Variants in ITPK1 observed in about 807,000 individuals in gnomAD.
The protein encoded by ITPK1 is inositol-tetrakisphosphate 1-kinase, also known as inositol 1,3,4-trisphosphate 5/6-kinase.
ITPK1 carries 21 observed loss-of-function variants against 45.3 expected under a neutral mutation model. That is an observed-to-expected ratio of 0.46 (90% CI 0.33 to 0.67). The LOEUF is 0.67. ITPK1 is among the 30% of genes least tolerant of loss of function. The pLI is 0.02. For missense variants in ITPK1, 474 were observed against 573.5 expected (o/e 0.83, Z 1.77); for synonymous variants, 258 against 253.6 (o/e 1.02, Z -0.16).
chr14:93,005,810 C>G (rs556438896), intron 4 of ITPK1, among the ~76,000 whole-genome samples: 1 of 152,280 alleles, frequency 6.6e-6, no homozygotes, highest in East Asian at 1.9e-4. Flanking sequence ...AAAACATGAT[C>G]AGAAATGCCC....
At position 92,941,532 on chromosome 14, in the gene ITPK1, C is replaced by T. The variant is rs139014647; in HGVS notation, c.*29G>A. On this transcript the variant is annotated 3_prime_UTR_variant, in exon 11 of 11. Coordinates refer to ENST00000267615, the MANE Select transcript of ITPK1 (RefSeq NM_014216.6). ...CCCAGCGGGTGTGCTCTGCGCCCTGCGCTGCCCCTCTGGGTCCCGGCTCCG... is the reference window on the plus strand; with the variant it reads ...CCCAGCGGGTGTGCTCTGCGCCCTGTGCTGCCCCTCTGGGTCCCGGCTCCG... 3.6e-4 allele frequency: 543 copies of T among 1,511,664 alleles called. 1 individual carries two copies. In the African/African-American group the frequency reaches 4.7e-3, roughly 13 times the overall value. 93.6% of individuals were successfully genotyped at this position (1,511,664 alleles called of 1,614,324 possible). A position where few individuals can be genotyped will look rare whatever the true frequency, so the allele number is the denominator to read the frequency against.
At chr14:93,066,669 G>A (rs930899630) in intron 3 of ITPK1, among the ~76,000 whole-genome samples, 1 of 152,158 alleles carries the variant, frequency 6.6e-6, no homozygotes, top group Non-Finnish European at 1.5e-5. Context: ...CTCCCAAAGT[G>A]CTGGGATTAC....
Position 93,076,758 on chromosome 14 carries a change from T to C in ITPK1, c.96-139A>G, listed in dbSNP as rs1288401832. The C allele has an allele frequency of 1.8e-5, 17 of 942,294 alleles. No homozygotes were observed. The highest frequency in any genetic ancestry group is 2.7e-5 in the Non-Finnish European group (16 of 593,674). 58.4% of individuals were successfully genotyped at this position (942,294 alleles called of 1,614,324 possible). On this transcript the variant is annotated intron_variant, in intron 2 of 10. Coordinates refer to ENST00000267615, the MANE Select transcript of ITPK1 (RefSeq NM_014216.6). This position sits in a 1 kb window ranked among gnomAD's most constrained non-coding sequence, Gnocchi z 4.3. The stretch of plus-strand genomic sequence containing the variant: ...CCGGCAGCTGCGCCTCTCCTGCTAC[T>C]GTCCCAGAACAGCCATGCCTTCCAC...
rs1269806185 is a variant in ITPK1 at position 92,962,785 on chromosome 14, C to T, written c.429G>A (p.Arg143=). The stretch of plus-strand genomic sequence containing the variant: ...AAGTCAAGCCGTTCTTCTCCAGCAG[C>T]CGCATGGTGTCATCCCCGCACAGGC... The part of the protein sequence containing the change: ...LTSLCGDDTM[R]LLEKNGLTFP... The change falls in exon 6 of 11, where the codon CGG becomes CGA. Residue 143 remains arginine (R), a synonymous_variant. Coordinates refer to ENST00000267615, the MANE Select transcript of ITPK1 (RefSeq NM_014216.6). The T allele has an allele frequency of 6.8e-6, 11 of 1,613,980 alleles. No homozygotes were observed. The highest frequency in any genetic ancestry group is 9.3e-6 in the Non-Finnish European group (11 of 1,179,876).
intron 3 of ITPK1, among the ~76,000 whole-genome samples, chr14:93,030,722 C>CA (rs932240824): frequency 1.3e-5 from 2 of 151,946 alleles, no homozygotes; most frequent in Non-Finnish European, 2.9e-5. Flanking sequence ...ACTGTGTCCC[C>CA]AAAAAACGGT....
chr14:93,087,512 G>A (rs1595203254), intron 2 of ITPK1, among the ~76,000 whole-genome samples: 1 of 152,338 alleles, frequency 6.6e-6, no homozygotes, highest in Admixed American at 6.5e-5. Flanking sequence ...GTGACACAGT[G>A]AGACCCCCAT....
chr14:92,962,459 C>G, intron 6 of ITPK1, 64 bp from the exon 7 acceptor site: 1 of 1,078,562 alleles, frequency 9.3e-7, no homozygotes. Context: ...AAGGCAGGTA[C>G]TTGGCACGTC....
chr14:93,049,207 G>A (rs1889906277), intron 3 of ITPK1, among the ~76,000 whole-genome samples: 1 of 152,234 alleles, frequency 6.6e-6, no homozygotes, highest in African/African-American at 2.4e-5. Flanking sequence ...AACCCCTTCT[G>A]TGGCTTCTAG....
At chr14:93,061,207 G>A (rs370309982) in intron 3 of ITPK1, among the ~76,000 whole-genome samples, 13 of 152,300 alleles carry the variant, frequency 8.5e-5, no homozygotes, top group Admixed American at 5.9e-4. Context: ...ACAGATCTGG[G>A]GCCAGGCTGT....
At chr14:93,008,244 G>T (rs1887717891) in intron 4 of ITPK1, among the ~76,000 whole-genome samples, 1 of 152,170 alleles carries the variant, frequency 6.6e-6, no homozygotes, top group Non-Finnish European at 1.5e-5. Flanking sequence ...CCTAGTACTC[G>T]CCATCACTGG....
chr14:93,010,506 C>T (rs1887837179), intron 4 of ITPK1, among the ~76,000 whole-genome samples: 1 of 152,226 alleles, frequency 6.6e-6, no homozygotes, highest in African/African-American at 2.4e-5. Context: ...CCCAGGTGGG[C>T]CAGCAGGTGA....
intron 5 of ITPK1, among the ~76,000 whole-genome samples, chr14:92,983,586 G>C (rs1886331505): frequency 6.6e-6 from 1 of 152,196 alleles, no homozygotes; most frequent in South Asian, 2.1e-4. Flanking sequence ...GTGAATCCAT[G>C]ATGGGATACT....
At chr14:92,988,926 A>G (rs549952571) in intron 5 of ITPK1, among the ~76,000 whole-genome samples, 61 of 152,290 alleles carry the variant, frequency 4.0e-4, no homozygotes, top group African/African-American at 1.3e-3. Flanking sequence ...CGCACAGCTC[A>G]GAGAGGCCAC....
At chr14:92,962,448 C>A (rs1192864626) in intron 6 of ITPK1, 53 bp from the exon 7 acceptor site, 2 of 1,236,870 alleles carry the variant, frequency 1.6e-6, no homozygotes, top group African/African-American at 3.0e-5. Context: ...CGTTCACCCA[C>A]AAGGCAGGTA....
At chr14:93,042,598 C>T (rs1027693869) in intron 3 of ITPK1, among the ~76,000 whole-genome samples, 1 of 152,200 alleles carries the variant, frequency 6.6e-6, no homozygotes. Context: ...CAGGCCAGTG[C>T]CCCACCTGCA....
At chr14:93,113,192 C>G (rs1285018448) in intron 2 of ITPK1, among the ~76,000 whole-genome samples, 2 of 152,156 alleles carry the variant, frequency 1.3e-5, no homozygotes, top group Admixed American at 6.5e-5. Flanking sequence ...GGCAACTAGA[C>G]TTTGAAGACA....
intron 3 of ITPK1, among the ~76,000 whole-genome samples, chr14:93,065,486 G>C (rs1890707901): frequency 6.6e-6 from 1 of 152,148 alleles, no homozygotes; most frequent in African/African-American, 2.4e-5. Flanking sequence ...CTCACTCCTG[G>C]AACTCTATGA....
chr14:92,938,426 T>C lies in ITPK1; in HGVS notation c.*3135A>G. The C allele has an allele frequency of 1.4e-6, 2 of 1,398,236 alleles. No homozygotes were observed. Among genetic ancestry groups the C allele is most frequent in the Middle Eastern group, 3.5e-4 (2 of 5,646 alleles). 86.6% of individuals were successfully genotyped at this position (1,398,236 alleles called of 1,614,324 possible). A position where few individuals can be genotyped will look rare whatever the true frequency, so the allele number is the denominator to read the frequency against. ...GGCTCCCTTGGTCTTGGGGTGGCTG[T>C]CTGGCAGGCAACAGCTGCTTTGCTC... On this transcript the variant is annotated 3_prime_UTR_variant, in exon 11 of 11. Transcript: ENST00000267615.
Position 92,952,008 on chromosome 14 carries a change from C to A in ITPK1, c.676G>T (p.Glu226Ter). The A allele has an allele frequency of 6.4e-7, 1 of 1,570,014 alleles. No individual in the cohort carries two copies. The stretch of plus-strand genomic sequence containing the variant: ...TTGTGGCTGTTGAAGAAGATGGACT[C>A]ACGGTCTGAAAAAGCGACAGGAAGG... Reference protein sequence around the residue: ...KNFSAGTSDRESIFFNSHNVS... With the variant: ...KNFSAGTSDR The change falls in exon 9 of 11, where the codon GAG becomes TAG. Residue 226 changes from glutamate to a stop codon, truncating the protein, a stop_gained. Coordinates refer to ENST00000267615, the MANE Select transcript of ITPK1 (RefSeq NM_014216.6). LOFTEE classifies it high-confidence loss of function.
Sources: allele counts gnomAD v4.1 joint callset (sites outside exome capture counted in the v4.1 genomes callset), GRCh38; gene constraint gnomAD v4.1.1; non-coding constraint Gnocchi (gnomAD v3.1); transcripts MANE v1.5; gene names NCBI Gene and HGNC (gene_info 2026-07-23, HGNC 2026-07-21).